The following BTAF1 variants were observed in gnomAD, a reference collection of about 807,000 sequenced individuals.
BTAF1 encodes B-TFIID TATA-box binding protein associated factor 1, also known as TATA-binding protein-associated factor 172.
BTAF1 carries 38 observed loss-of-function variants against 227.1 expected under a neutral mutation model. The observed-to-expected ratio is 0.17, with a 90% CI of 0.13 to 0.22. The LOEUF (loss-of-function observed/expected upper bound fraction) is 0.22, where lower values mean the gene tolerates loss of function less well. BTAF1 is among the 10% of genes least tolerant of loss of function. The pLI, the probability that BTAF1 is intolerant of heterozygous loss-of-function variation, is 1.00. For missense variants in BTAF1, 1,598 were observed against 2,204.0 expected (o/e 0.73, Z 5.51); for synonymous variants, 742 against 751.9 (o/e 0.99, Z 0.21).
intron 5 of BTAF1, 103 bp from the exon 6 acceptor site, chr10:91,953,634 A>G (rs1318006603): frequency 1.6e-6 from 2 of 1,262,666 alleles, no homozygotes; most frequent in African/African-American, 1.5e-5. Context: ...TGATCGATGT[A>G]TATATACTGA....
chr10:91,988,339 G>A (rs1038230453), intron 19 of BTAF1, among the ~76,000 whole-genome samples: 2 of 152,176 alleles, frequency 1.3e-5, no homozygotes, highest in Non-Finnish European at 2.9e-5. Context: ...TCATTGAAAA[G>A]TGACATGAGC....
At chr10:91,934,387 C>T (rs1844462397) in intron 1 of BTAF1, among the ~76,000 whole-genome samples, 1 of 152,022 alleles carries the variant, frequency 6.6e-6, no homozygotes, top group African/African-American at 2.4e-5. Flanking sequence ...CAGGTGGATG[C>T]CACTACACCT....
intron 14 of BTAF1, among the ~76,000 whole-genome samples, chr10:91,974,164 A>C (rs941229831): frequency 2.6e-5 from 4 of 152,118 alleles, no homozygotes; most frequent in African/African-American, 7.2e-5. Flanking sequence ...TTCTAAAGTA[A>C]TTTTTCAAGG....
At chr10:91,968,197 A>G (rs2133928691) in intron 14 of BTAF1, among the ~76,000 whole-genome samples, 1 of 152,200 alleles carries the variant, frequency 6.6e-6, no homozygotes, top group South Asian at 2.1e-4. Flanking sequence ...TGTTCCACCT[A>G]TTCATCCTTC....
intron 14 of BTAF1, among the ~76,000 whole-genome samples, chr10:91,971,860 A>C (rs2676822): frequency 6.6e-6 from 1 of 151,536 alleles, no homozygotes; most frequent in South Asian, 2.1e-4. Flanking sequence ...AATGGAGAAA[A>C]GAGCAGGGAA....
chr10:91,949,146 T>G (rs1195755381), intron 4 of BTAF1, among the ~76,000 whole-genome samples: 2 of 151,780 alleles, frequency 1.3e-5, no homozygotes, highest in African/African-American at 2.4e-5. Context: ...AGACCCCACC[T>G]CCACAAAAAA....
intron 34 of BTAF1, among the ~76,000 whole-genome samples, chr10:92,019,779 T>A (rs980099793): frequency 5.9e-5 from 9 of 152,242 alleles, no homozygotes; most frequent in African/African-American, 2.2e-4. Context: ...TTTCATGTGC[T>A]TATTGGACAT....
At chr10:91,948,180 C>T (rs1327414563) in intron 4 of BTAF1, among the ~76,000 whole-genome samples, 1 of 146,824 alleles carries the variant, frequency 6.8e-6, no homozygotes. Flanking sequence ...CACGACAGGC[C>T]CCGGTGTGCG....
Position 91,981,313 on chromosome 10 carries a change from A to T in BTAF1, c.1756-330A>T, listed in dbSNP as rs531766558. ...TGTGTGTTGAATATAGGACTGCATTAATATTGAGTCTTATGATATATGCAA... is the reference window on the plus strand; with the variant it reads ...TGTGTGTTGAATATAGGACTGCATTTATATTGAGTCTTATGATATATGCAA... On this transcript the variant is annotated intron_variant, in intron 15 of 37. Transcript: ENST00000265990. Among the ~76,000 whole-genome samples, 6 of 152,306 alleles carry T rather than the reference A, an allele frequency of 3.9e-5. 1 individual carries two copies. The South Asian group carries it at 1.2e-3, about 32-fold the overall frequency.
At chr10:91,956,861 G>A (rs1174133914) in intron 7 of BTAF1, among the ~76,000 whole-genome samples, 1 of 152,056 alleles carries the variant, frequency 6.6e-6, no homozygotes, top group Non-Finnish European at 1.5e-5. Context: ...GTGGTGGCAC[G>A]TGCCTGTAAT....
intron 14 of BTAF1, among the ~76,000 whole-genome samples, chr10:91,973,213 G>A (rs1201878917): frequency 7.0e-6 from 1 of 142,284 alleles, no homozygotes; most frequent in Non-Finnish European, 1.6e-5. Context: ...ATGGTAAAAT[G>A]AAAAGATCCC....
At chr10:91,940,970 A>G (rs1844953996) in intron 3 of BTAF1, among the ~76,000 whole-genome samples, 1 of 152,176 alleles carries the variant, frequency 6.6e-6, no homozygotes. Flanking sequence ...TCAGCCTCCC[A>G]AAGTGCTGGG....
chr10:91,946,399 T>C (rs1200301997), intron 4 of BTAF1, among the ~76,000 whole-genome samples: 1 of 152,210 alleles, frequency 6.6e-6, no homozygotes, highest in African/African-American at 2.4e-5. Context: ...TAAAAATTCA[T>C]GTACAAGTTT....
chr10:92,027,985 A>G (rs529002716), intron 37 of BTAF1, among the ~76,000 whole-genome samples: 4 of 152,208 alleles, frequency 2.6e-5, no homozygotes, highest in Admixed American at 2.0e-4. Flanking sequence ...CTGCCATACT[A>G]TGTGTATGTT....
chr10:91,979,851 C>A (rs887770002), intron 14 of BTAF1, among the ~76,000 whole-genome samples: 1 of 152,010 alleles, frequency 6.6e-6, no homozygotes, highest in Admixed American at 6.6e-5. Context: ...GATCCCTGAA[C>A]CTTGGAAGCA....
At chr10:92,012,714 T>C (rs1410092361) in intron 30 of BTAF1, among the ~76,000 whole-genome samples, 1 of 132,192 alleles carries the variant, frequency 7.6e-6, no homozygotes, top group African/African-American at 3.0e-5. Flanking sequence ...GAGGTTGCAG[T>C]GAGCCATGAT....
intron 1 of BTAF1, among the ~76,000 whole-genome samples, chr10:91,934,005 C>G (rs1303945927): frequency 6.6e-6 from 1 of 152,132 alleles, no homozygotes; most frequent in African/African-American, 2.4e-5. Context: ...GACTGTTCAC[C>G]AATCCTATAG....
intron 34 of BTAF1, among the ~76,000 whole-genome samples, chr10:92,021,031 C>T (rs747356093): frequency 6.6e-6 from 1 of 152,110 alleles, no homozygotes; most frequent in Non-Finnish European, 1.5e-5. Context: ...TTTCTAGTAG[C>T]CTTCTTATCC....
chr10:91,938,178 A>T (rs1372500180), intron 2 of BTAF1, among the ~76,000 whole-genome samples: 2 of 152,246 alleles, frequency 1.3e-5, no homozygotes, highest in Non-Finnish European at 2.9e-5. Context: ...AAAGTTCTTC[A>T]TATGGTATAG....
Sources: allele counts gnomAD v4.1 joint callset (sites outside exome capture counted in the v4.1 genomes callset), GRCh38; gene constraint gnomAD v4.1.1; transcripts MANE v1.5; gene names NCBI Gene and HGNC (gene_info 2026-07-23, HGNC 2026-07-21).